Variants in HMCN1 observed in about 807,000 individuals in gnomAD.
HMCN1 encodes the protein hemicentin 1, also known as hemicentin-1.
Under a neutral mutation model 625.9 loss-of-function variants are expected in HMCN1, and 321 were observed. That is an observed-to-expected ratio of 0.51 (90% CI 0.47 to 0.56). HMCN1 has a LOEUF of 0.56. Among genes scored for constraint, HMCN1 ranks in the 20% least tolerant of loss-of-function variants. HMCN1 has a pLI of 0.00. For missense variants in HMCN1, 6,588 were observed against 6,887.3 expected (o/e 0.96, Z 1.54); for synonymous variants, 2,425 against 2,417.6 (o/e 1.00, Z -0.09).
At position 185,811,697 on chromosome 1, in the gene HMCN1, A is replaced by C. The variant is rs941918801; in HGVS notation, c.269-34329A>C. Among the ~76,000 whole-genome samples the C allele has an allele frequency of 9.6e-4, 146 of 151,912 alleles. 2 individuals carry two copies. The highest frequency in any genetic ancestry group is 1.5e-4 in the Non-Finnish European group (10 of 67,970). ...TTAAGCTAGGAGACTGGAAAGAAAG[A>C]AAAGGCAGTCTTATTTCTCTTTCCC... On this transcript the variant is annotated intron_variant, in intron 1 of 106. Coordinates refer to ENST00000271588, the MANE Select transcript of HMCN1 (RefSeq NM_031935.3).
Position 186,019,538 on chromosome 1 carries a change from T to C in HMCN1, c.5471-3T>C. On this transcript the variant is annotated splice_region_variant and splice_polypyrimidine_tract_variant and intron_variant, in intron 34 of 106. Coordinates refer to ENST00000271588, the MANE Select transcript of HMCN1 (RefSeq NM_031935.3). Reference sequence around the variant, plus strand: ...ATTCCCTCTCCCCCTTCCTTAAATATAGTTCCTCCAACAATCAAGTCCTCA... The same window carrying C: ...ATTCCCTCTCCCCCTTCCTTAAATACAGTTCCTCCAACAATCAAGTCCTCA... 1 of 1,606,186 alleles carries C rather than the reference T, an allele frequency of 6.2e-7. No homozygotes were observed. The highest frequency in any genetic ancestry group is 1.1e-5 in the South Asian group (1 of 90,916).
At chr1:186,017,105 T>C in intron 33 of HMCN1, 34 bp downstream of exon 33, 1 of 1,133,464 alleles carries the variant, frequency 8.8e-7, no homozygotes. Flanking sequence ...AAATACCTCC[T>C]GCTTTTTGTT....
intron 105 of HMCN1, among the ~76,000 whole-genome samples, chr1:186,183,775 C>T (rs1329472087): frequency 6.6e-6 from 1 of 152,154 alleles, no homozygotes; most frequent in Non-Finnish European, 1.5e-5. Context: ...AGTCCTTTGT[C>T]TCCTGGGATG....
chr1:185,856,191 A>G (rs1662451508), intron 2 of HMCN1, among the ~76,000 whole-genome samples: 1 of 152,164 alleles, frequency 6.6e-6, no homozygotes, highest in African/African-American at 2.4e-5. Flanking sequence ...GAGTTGTAAA[A>G]TTTTGTTCAG....
rs894567063 is a variant in HMCN1, at chr1:186,019,526, C to G, written c.5471-15C>G. The G allele has an allele frequency of 5.0e-6, 8 of 1,596,650 alleles. No individual in the cohort carries two copies. The Admixed American group carries it at 8.4e-5, about 17-fold the overall frequency. ...GATTATGGTTTCATTCCCTCTCCCC[C>G]TTCCTTAAATATAGTTCCTCCAACA... On this transcript the variant is annotated splice_polypyrimidine_tract_variant and intron_variant, in intron 34 of 106. Transcript: ENST00000271588.
chr1:185,784,272 A>G (rs761564286), intron 1 of HMCN1, among the ~76,000 whole-genome samples: 1 of 152,154 alleles, frequency 6.6e-6, no homozygotes, highest in Non-Finnish European at 1.5e-5. Flanking sequence ...TTGGCTAGGA[A>G]AGGGAATTTC....
At chr1:186,174,685 A>G (rs370387498) in intron 103 of HMCN1, 43 bp downstream of exon 103, 2 of 1,607,524 alleles carry the variant, frequency 1.2e-6, no homozygotes, top group Non-Finnish European at 1.7e-6. Context: ...CTACTGATGT[A>G]GTTACCTAGC....
chr1:185,919,048 T>A (rs1399089397), intron 6 of HMCN1, among the ~76,000 whole-genome samples: 1 of 151,276 alleles, frequency 6.6e-6, no homozygotes, highest in Non-Finnish European at 1.5e-5. Context: ...ATTAAGATAG[T>A]AATTTTGGCC....
intron 4 of HMCN1, among the ~76,000 whole-genome samples, chr1:185,908,130 CTTGAACAAAAACA>C (rs1349105364): frequency 2.0e-5 from 3 of 151,642 alleles, no homozygotes; most frequent in Admixed American, 2.0e-4. Context: ...GGAAAACCAT[CTTGAACAAAAACA>C]TTTATTTTAT....
intron 36 of HMCN1, 97 bp from the exon 37 acceptor site, chr1:186,037,832 AAAAAG>A: frequency 1.3e-6 from 1 of 756,666 alleles, no homozygotes; most frequent in South Asian, 1.5e-5. Context: ...TATATGTGAA[AAAAAG>A]AAGAGAGGAA....
intron 102 of HMCN1, among the ~76,000 whole-genome samples, chr1:186,173,934 C>A (rs1652396460): frequency 6.6e-6 from 1 of 152,132 alleles, no homozygotes; most frequent in African/African-American, 2.4e-5. Flanking sequence ...TTGTATATAG[C>A]AAATGTTCAA....
At chr1:185,802,468 A>T (rs560179173) in intron 1 of HMCN1, among the ~76,000 whole-genome samples, 1 of 152,184 alleles carries the variant, frequency 6.6e-6, no homozygotes, top group Non-Finnish European at 1.5e-5. Flanking sequence ...GTGTAGTACA[A>T]TGGCCTAAGA....
chr1:186,058,241 A>G (rs1478604023), intron 46 of HMCN1, among the ~76,000 whole-genome samples: 1 of 152,006 alleles, frequency 6.6e-6, no homozygotes, highest in Non-Finnish European at 1.5e-5. Flanking sequence ...ATGGTGAAGT[A>G]TAGCTTCAGA....
intron 11 of HMCN1, among the ~76,000 whole-genome samples, chr1:185,956,355 A>G (rs1364709233): frequency 1.3e-5 from 2 of 152,164 alleles, no homozygotes; most frequent in African/African-American, 4.8e-5. Flanking sequence ...GTAGGTTGTG[A>G]TCTGTGCTTC....
chr1:185,825,390 G>C (rs981406010), intron 1 of HMCN1, among the ~76,000 whole-genome samples: 2 of 152,108 alleles, frequency 1.3e-5, no homozygotes, highest in African/African-American at 4.8e-5. Context: ...TTGAAAGAAG[G>C]AATGATTTGT....
intron 106 of HMCN1, 95 bp from the exon 107 acceptor site, chr1:186,189,417 A>G (rs1653570103): frequency 7.3e-7 from 1 of 1,366,804 alleles, no homozygotes. Context: ...TACTGCATGC[A>G]GTGCCTAAAA....
Position 186,181,319 on chromosome 1 carries a change from C to T in HMCN1, c.16295-849C>T, listed in dbSNP as rs1184453898. 2.0e-5 allele frequency among the ~76,000 whole-genome samples: 3 copies of T among 152,116 alleles called. No individual in the cohort carries two copies. The East Asian group carries it at 5.8e-4, about 29-fold the overall frequency. ...CACTGGGACAAGAAATCTTCAGCCT[C>T]CCAAATCACATACTTTATCCTTAAA... On this transcript the variant is annotated intron_variant, in intron 104 of 106. Coordinates refer to ENST00000271588, the MANE Select transcript of HMCN1 (RefSeq NM_031935.3).
chr1:186,045,625 T>C (rs941446306), intron 40 of HMCN1, 63 bp from the exon 41 acceptor site: 21 of 1,226,856 alleles, frequency 1.7e-5, no homozygotes, highest in South Asian at 2.4e-5. Flanking sequence ...GTCCTGATAA[T>C]TGATGAATGT....
intron 36 of HMCN1, among the ~76,000 whole-genome samples, chr1:186,032,491 G>A (rs1655523367): frequency 6.6e-6 from 1 of 151,988 alleles, no homozygotes; most frequent in Non-Finnish European, 1.5e-5. Flanking sequence ...TTGAATCATG[G>A]GAGTAAGTTC....
Sources: gnomAD v4.1 joint callset for allele counts (sites outside exome capture counted in the v4.1 genomes callset) on GRCh38, gnomAD v4.1.1 for gene constraint, MANE v1.5 for transcripts, NCBI Gene and HGNC (gene_info 2026-07-23, HGNC 2026-07-21) for gene names.